The following DMD variants were observed in gnomAD, a reference collection of about 807,000 sequenced individuals.
DMD encodes dystrophin.
DMD carries 63 observed loss-of-function variants against 330.1 expected under a neutral mutation model. That is an observed-to-expected ratio of 0.19 (90% CI 0.16 to 0.24). The LOEUF (loss-of-function observed/expected upper bound fraction) is 0.24, where lower values mean the gene tolerates loss of function less well. Among genes scored for constraint, DMD ranks in the 10% least tolerant of loss-of-function variants. The pLI is 1.00. For missense variants in DMD, 3,344 were observed against 2,684.1 expected, an observed-to-expected ratio of 1.25 and a Z score of -5.43; for synonymous variants, 1,223 against 959.8, an observed-to-expected ratio of 1.27 and a Z score of -5.07.
chrX:33,021,869 G>A (rs946988370), intron 1 of DMD, among the ~76,000 whole-genome samples: 1 of 110,879 alleles, frequency 9.0e-6, no homozygotes, highest in Non-Finnish European at 1.9e-5. Context: ...TGTTGACAAG[G>A]GTGAATAAAT....
intron 43 of DMD, among the ~76,000 whole-genome samples, chrX:32,233,676 C>T (rs182606738): frequency 4.8e-5 from 5 of 105,198 alleles, no homozygotes; most frequent in East Asian, 3.0e-4. Flanking sequence ...CTTGTTGCCC[C>T]AGCTGGAGTG....
Position 32,149,127 on chromosome X carries a change from T to C in DMD, c.6438+67789A>G, listed in dbSNP as rs774650853. On this transcript the variant is annotated intron_variant, in intron 44 of 78. Coordinates refer to ENST00000357033, the MANE Select transcript of DMD (RefSeq NM_004006.3). ...CATTTCAAGAAAAATGTCATTCATCTTTCTTAAATTGATCTGCTGAGTCCA... is the reference window on the plus strand; with the variant it reads ...CATTTCAAGAAAAATGTCATTCATCCTTCTTAAATTGATCTGCTGAGTCCA... 3.1e-3 allele frequency among the ~76,000 whole-genome samples: 352 copies of C among 112,047 alleles called. 1 individual carries two copies. Among genetic ancestry groups the C allele is most frequent in the African/African-American group, 0.011 (327 of 30,814 alleles).
intron 2 of DMD, among the ~76,000 whole-genome samples, chrX:32,911,052 G>A (rs765628027): frequency 1.6e-4 from 18 of 111,816 alleles, no homozygotes; most frequent in African/African-American, 5.2e-4. Context: ...CACATTTTAC[G>A]AATTCCTTTA....
chrX:32,881,684 T>G (rs149226832), intron 2 of DMD, among the ~76,000 whole-genome samples: 1,755 of 112,477 alleles, frequency 0.016, 32 homozygotes, highest in East Asian at 0.064. Context: ...CCTTAAGTAT[T>G]GCTTTTTAAT....
At chrX:31,909,529 A>AC (rs1417663448) in intron 47 of DMD, among the ~76,000 whole-genome samples, 2 of 109,990 alleles carry the variant, frequency 1.8e-5, no homozygotes, top group African/African-American at 6.6e-5. Flanking sequence ...AAAAAAAAAA[A>AC]AAAAAAACAA....
chrX:31,847,478 A>G (rs2093446802), intron 48 of DMD, among the ~76,000 whole-genome samples: 1 of 111,938 alleles, frequency 8.9e-6, no homozygotes, highest in Non-Finnish European at 1.9e-5. Context: ...ATTAAGGGCA[A>G]GATACTATTG....
intron 47 of DMD, among the ~76,000 whole-genome samples, chrX:31,923,094 G>A (rs1166143795): frequency 8.9e-6 from 1 of 111,770 alleles, no homozygotes; most frequent in Non-Finnish European, 1.9e-5. Context: ...GACAATGAAA[G>A]AGGGAGCTAT....
At chrX:32,128,547 A>G (rs1292172168) in intron 44 of DMD, among the ~76,000 whole-genome samples, 1 of 112,044 alleles carries the variant, frequency 8.9e-6, no homozygotes, top group Non-Finnish European at 1.9e-5. Context: ...TTCCCTAAAC[A>G]TAGCGTTTTA....
rs192030809 is a variant in DMD at position 31,738,640 on chromosome X, C to T, written c.7543-8892G>A. On this transcript the variant is annotated intron_variant, in intron 51 of 78. Coordinates refer to ENST00000357033, the MANE Select transcript of DMD (RefSeq NM_004006.3). Reference sequence around the variant, plus strand: ...ATCTGCACTCCCATGTTTATTGCAGCGCTATTCACAATAGCCAAGATTTGG... The same window carrying T: ...ATCTGCACTCCCATGTTTATTGCAGTGCTATTCACAATAGCCAAGATTTGG... Among the ~76,000 whole-genome samples, 52 of 112,042 alleles carry T rather than the reference C, an allele frequency of 4.6e-4. No individual in the cohort carries two copies. In the East Asian group the frequency reaches 0.011, roughly 24 times the overall value.
At chrX:31,249,263 A>G (rs939670929) in intron 63 of DMD, among the ~76,000 whole-genome samples, 9 of 111,363 alleles carry the variant, frequency 8.1e-5, no homozygotes, top group African/African-American at 2.9e-4. Context: ...CTTTTTTGAG[A>G]CAGAGTCTCA....
At chrX:32,197,162 C>T (rs996882993) in intron 44 of DMD, among the ~76,000 whole-genome samples, 3 of 109,785 alleles carry the variant, frequency 2.7e-5, no homozygotes, top group Non-Finnish European at 5.7e-5. Context: ...CTTCGGGTCC[C>T]TCTCTTTTTT....
intron 47 of DMD, among the ~76,000 whole-genome samples, chrX:31,928,021 C>G (rs535304902): frequency 1.7e-4 from 19 of 111,579 alleles, no homozygotes; most frequent in African/African-American, 6.2e-4. Context: ...ACAACCAGAT[C>G]CAAAATGTTT....
Position 31,932,239 on chromosome X carries a change from A to G in DMD, c.6615-12T>C. 1 of 1,168,107 alleles carries G rather than the reference A, an allele frequency of 8.6e-7. No individual in the cohort carries two copies. ...TTTGTTCTTCTAGCCTGGAGAAAGAAGAATAAAATTGTTATTTTTTTTTCC... is the reference window on the plus strand; with the variant it reads ...TTTGTTCTTCTAGCCTGGAGAAAGAGGAATAAAATTGTTATTTTTTTTTCC... On this transcript the variant is annotated splice_polypyrimidine_tract_variant and intron_variant, in intron 45 of 78. Transcript: ENST00000357033.
At chrX:32,685,311 T>G (rs966195338) in intron 9 of DMD, among the ~76,000 whole-genome samples, 1 of 111,540 alleles carries the variant, frequency 9.0e-6, no homozygotes, top group Admixed American at 9.6e-5. Context: ...TGAAATGACT[T>G]TTTCAGGTAT....
chrX:31,341,825 G>A (rs1469153003), intron 61 of DMD, among the ~76,000 whole-genome samples: 1 of 110,125 alleles, frequency 9.1e-6, no homozygotes, highest in Non-Finnish European at 1.9e-5. Flanking sequence ...AAACTATTTC[G>A]ACTGCAACCC....
intron 29 of DMD, among the ~76,000 whole-genome samples, chrX:32,428,866 C>T (rs961085547): frequency 1.4e-4 from 16 of 111,698 alleles, no homozygotes; most frequent in Non-Finnish European, 1.3e-4. Flanking sequence ...CCCACCTCGG[C>T]CTCTCAAAGT....
chrX:32,274,392 T>C (rs182423376), intron 43 of DMD, among the ~76,000 whole-genome samples: 55 of 112,136 alleles, frequency 4.9e-4, no homozygotes, highest in African/African-American at 1.7e-3. Context: ...ATTTCTTATC[T>C]GAAGAAAGTT....
chrX:33,001,589 C>T (rs1413519978), intron 2 of DMD, among the ~76,000 whole-genome samples: 4 of 111,460 alleles, frequency 3.6e-5, no homozygotes, highest in Admixed American at 9.6e-5. Flanking sequence ...TGGGTGGTTT[C>T]TTTACAACTT....
chrX:31,174,333 A>C (rs1314148254), intron 71 of DMD, among the ~76,000 whole-genome samples: 1 of 111,902 alleles, frequency 8.9e-6, no homozygotes, highest in Non-Finnish European at 1.9e-5. Context: ...CATTAGCAGG[A>C]ATAGTCTATA....
Sources: allele counts gnomAD v4.1 joint callset (sites outside exome capture counted in the v4.1 genomes callset), GRCh38; gene constraint gnomAD v4.1.1; transcripts MANE v1.5; gene names NCBI Gene and HGNC (gene_info 2026-07-23, HGNC 2026-07-21).